Variants in KALRN observed in about 807,000 individuals in gnomAD.
The protein encoded by KALRN is kalirin.
A neutral mutation model predicts 353.7 loss-of-function variants in KALRN; 70 were observed. The ratio of observed to expected loss-of-function variants is 0.20; its 90% CI spans 0.16 to 0.24. The LOEUF (loss-of-function observed/expected upper bound fraction) is 0.24, where lower values mean the gene tolerates loss of function less well. Among genes scored for constraint, KALRN ranks in the 10% least tolerant of loss-of-function variants. KALRN has a pLI of 1.00. For missense variants in KALRN, 2,791 were observed against 3,756.7 expected (o/e 0.74, Z 6.72); for synonymous variants, 1,391 against 1,434.8 (o/e 0.97, Z 0.69).
chr3:124,346,174 T>C (rs2082243556), intron 9 of KALRN, among the ~76,000 whole-genome samples: 1 of 152,186 alleles, frequency 6.6e-6, no homozygotes, highest in African/African-American at 2.4e-5. Context: ...TCTTCAGAGA[T>C]CAAAAGATGA....
intron 15 of KALRN, among the ~76,000 whole-genome samples, chr3:124,428,802 T>C (rs958187996): frequency 5.3e-5 from 8 of 152,172 alleles, no homozygotes; most frequent in African/African-American, 1.7e-4. Context: ...CCCACCACCA[T>C]AGCTATAACT....
intron 16 of KALRN, among the ~76,000 whole-genome samples, chr3:124,432,699 A>C (rs919743018): frequency 6.6e-6 from 1 of 152,204 alleles, no homozygotes; most frequent in African/African-American, 2.4e-5. Context: ...TGAAATGACT[A>C]TATTCCACAT....
At chr3:124,538,893 C>A (rs753306896) in intron 33 of KALRN, among the ~76,000 whole-genome samples, 1 of 152,160 alleles carries the variant, frequency 6.6e-6, no homozygotes, top group Non-Finnish European at 1.5e-5. Flanking sequence ...GAAATAGGTC[C>A]GGAGAGAGTC....
intron 55 of KALRN, among the ~76,000 whole-genome samples, chr3:124,697,929 TGGGATTACA>T (rs980391859): frequency 2.6e-5 from 4 of 152,152 alleles, no homozygotes; most frequent in Non-Finnish European, 4.4e-5. Context: ...CCCAAAGTGC[TGGGATTACA>T]GGCATGAGCC....
At chr3:124,371,643 T>A (rs998551013) in intron 10 of KALRN, among the ~76,000 whole-genome samples, 3 of 152,156 alleles carry the variant, frequency 2.0e-5, no homozygotes, top group East Asian at 1.9e-4. Context: ...CTTTAAAAAA[T>A]TTTTTACTAT....
At chr3:124,138,723 G>T (rs986965787) in intron 1 of KALRN, among the ~76,000 whole-genome samples, 1 of 152,172 alleles carries the variant, frequency 6.6e-6, no homozygotes, top group Non-Finnish European at 1.5e-5. Flanking sequence ...GAACTAGGGG[G>T]CCTGTATGGC....
intron 1 of KALRN, among the ~76,000 whole-genome samples, chr3:124,207,367 CT>C (rs886569625): frequency 6.6e-5 from 10 of 152,192 alleles, no homozygotes; most frequent in African/African-American, 2.4e-4. Context: ...AATTATAGGG[CT>C]CAGCAGGAAA....
chr3:124,190,980 G>T (rs1324954125), intron 1 of KALRN, among the ~76,000 whole-genome samples: 1 of 152,180 alleles, frequency 6.6e-6, no homozygotes. Flanking sequence ...AAAAATTGGG[G>T]TTCGCATGAT....
chr3:124,480,228 G>A (rs78970541), intron 27 of KALRN, among the ~76,000 whole-genome samples: 4,932 of 152,286 alleles, frequency 0.032, 260 homozygotes, highest in African/African-American at 0.11. Context: ...GTTGCCTGAA[G>A]AGAGTCAAGC....
chr3:124,290,617 T>A (rs1228564517), intron 5 of KALRN, among the ~76,000 whole-genome samples: 2 of 152,184 alleles, frequency 1.3e-5, no homozygotes, highest in Non-Finnish European at 2.9e-5. Flanking sequence ...GACTCTGATG[T>A]TTATTAGCTG....
intron 40 of KALRN, 85 bp from the exon 41 acceptor site, chr3:124,657,649 G>T (rs1292729898): frequency 7.3e-7 from 1 of 1,366,776 alleles, no homozygotes; most frequent in Admixed American, 1.7e-5. Flanking sequence ...TTAGGGGAGA[G>T]TCTTCTGTAA....
chr3:124,490,625 G>C (rs926735514), intron 29 of KALRN, 69 bp from the exon 30 acceptor site: 13 of 1,436,746 alleles, frequency 9.0e-6, no homozygotes, highest in African/African-American at 1.4e-5. Flanking sequence ...CTCCAAGAGG[G>C]GGGTGGAACA....
intron 37 of KALRN, among the ~76,000 whole-genome samples, chr3:124,649,077 A>C (rs1425142832): frequency 6.6e-6 from 1 of 152,196 alleles, no homozygotes; most frequent in Non-Finnish European, 1.5e-5. Flanking sequence ...TAGTGTTGGT[A>C]ACAAATTCAT....
intron 33 of KALRN, among the ~76,000 whole-genome samples, chr3:124,536,028 C>T (rs944759187): frequency 1.3e-5 from 2 of 152,046 alleles, no homozygotes; most frequent in African/African-American, 4.8e-5. Flanking sequence ...ATCCCATTGG[C>T]CAGAGTGTGA....
intron 1 of KALRN, among the ~76,000 whole-genome samples, chr3:124,227,471 ATAG>A (rs1241588751): frequency 2.6e-5 from 4 of 152,086 alleles, no homozygotes; most frequent in African/African-American, 7.2e-5. Context: ...ATAAAGACTA[ATAG>A]TTGTTGTGCC....
chr3:124,526,556 T>C (rs2067608587), intron 33 of KALRN, among the ~76,000 whole-genome samples: 1 of 151,984 alleles, frequency 6.6e-6, no homozygotes, highest in Non-Finnish European at 1.5e-5. Flanking sequence ...GCCTGGGCAA[T>C]GGAGCGAGAC....
At chr3:124,037,419 A>G (rs999675651) in intron 1 of KALRN, among the ~76,000 whole-genome samples, 25 of 152,172 alleles carry the variant, frequency 1.6e-4, no homozygotes, top group African/African-American at 5.8e-4. Context: ...GTTAGTGAGG[A>G]ATGGGAAACA....
At chr3:124,499,593 T>A (rs767276319) in intron 33 of KALRN, among the ~76,000 whole-genome samples, 2 of 152,212 alleles carry the variant, frequency 1.3e-5, no homozygotes, top group African/African-American at 2.4e-5. Flanking sequence ...GGTTCTTCTC[T>A]GTACTAGACC....
intron 36 of KALRN, among the ~76,000 whole-genome samples, chr3:124,634,453 C>T (rs1259445681): frequency 6.6e-6 from 1 of 152,228 alleles, no homozygotes; most frequent in East Asian, 1.9e-4. Context: ...CAAAGGTGGG[C>T]AAACTTAATA....
Sources: gnomAD v4.1 joint callset for allele counts (sites outside exome capture counted in the v4.1 genomes callset) on GRCh38, gnomAD v4.1.1 for gene constraint, MANE v1.5 for transcripts, NCBI Gene and HGNC (gene_info 2026-07-23, HGNC 2026-07-21) for gene names.